Variants in IL31RA observed in about 807,000 individuals in gnomAD.
IL31RA encodes interleukin-31 receptor subunit alpha.
IL31RA carries 66 observed loss-of-function variants against 83.7 expected under a neutral mutation model. The ratio of observed to expected loss-of-function variants is 0.79; its 90% CI spans 0.65 to 0.97. IL31RA has a LOEUF of 0.97. Among genes scored for constraint, IL31RA ranks in the 50% least tolerant of loss-of-function variants. The pLI is 0.00. For missense variants in IL31RA, 798 were observed against 919.4 expected, an observed-to-expected ratio of 0.87 and a Z score of 1.71; for synonymous variants, 325 against 329.0, an observed-to-expected ratio of 0.99 and a Z score of 0.13.
chr5:55,875,381 GGTAA>G (rs1349782691), intron 4 of IL31RA, among the ~76,000 whole-genome samples: 4 of 152,006 alleles, frequency 2.6e-5, no homozygotes, highest in African/African-American at 2.4e-5. Context: ...AGAATGAGCT[GGTAA>G]GTGTTTCCTC....
intron 4 of IL31RA, among the ~76,000 whole-genome samples, chr5:55,872,690 C>T (rs1580678494): frequency 6.6e-6 from 1 of 151,940 alleles, no homozygotes; most frequent in Admixed American, 6.6e-5. Context: ...GAAACAAAAG[C>T]TATTTTGTGG....
Position 55,906,175 on chromosome 5 carries a change from C to G in IL31RA, c.1139C>G (p.Ser380Cys), listed in dbSNP as rs747985586. Residue 380 changes from serine (S) to cysteine (C), a missense_variant, in exon 9 of 15, where the codon TCT becomes TGT. Transcript: ENST00000652347. ...CAGCTAGTGGTGAAGTGGCAAAGCT[C>G]TGCTCTAGACGTGAACACTTGGATG... ...EDQLVVKWQS[S>C]ALDVNTWMIE... The G allele has an allele frequency of 7.4e-6, 12 of 1,613,890 alleles. No individual in the cohort carries two copies. The highest frequency in any genetic ancestry group is 1.6e-4 in the Middle Eastern group (1 of 6,084).
At chr5:55,860,544 G>T (rs1745615187) in intron 2 of IL31RA, among the ~76,000 whole-genome samples, 1 of 152,104 alleles carries the variant, frequency 6.6e-6, no homozygotes, top group African/African-American at 2.4e-5. Context: ...TTTTTGTGTT[G>T]TTGTTATGGC....
Position 55,917,091 on chromosome 5 carries a change from C to T in IL31RA, c.2266C>T (p.Leu756Phe). Reference protein sequence around the residue: ...TAREFLVSEKLPEHTKGEV With the variant: ...TAREFLVSEKFPEHTKGEV Reference sequence around the variant, plus strand: ...CAGGGAATTTCTTGTGTCTGAAAAACTTCCAGAGCACACCAAGGGAGAAGT... The same window carrying T: ...CAGGGAATTTCTTGTGTCTGAAAAATTTCCAGAGCACACCAAGGGAGAAGT... The change falls in exon 15 of 15, where the codon CTT becomes TTT. Residue 756 changes from leucine to phenylalanine, a missense_variant. Transcript: ENST00000652347. 2 of 1,614,182 alleles carry T rather than the reference C, an allele frequency of 1.2e-6. No individual in the cohort carries two copies. Among genetic ancestry groups the T allele is most frequent in the Non-Finnish European group, 1.7e-6 (2 of 1,180,040 alleles).
intron 2 of IL31RA, among the ~76,000 whole-genome samples, chr5:55,864,339 C>CCA (rs1745879421): frequency 4.4e-5 from 3 of 68,420 alleles, no homozygotes; most frequent in East Asian, 4.7e-4. Context: ...ACACACCACA[C>CCA]TACACACACA....
rs779972806 is a variant in IL31RA at position 55,883,146 on chromosome 5, C to G, written c.557C>G (p.Ser186Cys). 1 of 1,614,078 alleles carries G rather than the reference C, an allele frequency of 6.2e-7. No individual in the cohort carries two copies. Among genetic ancestry groups the G allele is most frequent in the South Asian group, 1.1e-5 (1 of 91,082 alleles). ...WIKPELAPVSSDLKYTLRFRT... is the reference protein window; with the variant it reads ...WIKPELAPVSCDLKYTLRFRT... Reference sequence around the variant, plus strand: ...AAGCCTGAGTTGGCGCCTGTTTCATCTGATTTAAAATACACACTTCGATTC... The same window carrying G: ...AAGCCTGAGTTGGCGCCTGTTTCATGTGATTTAAAATACACACTTCGATTC... The change falls in exon 5 of 15, where the codon TCT becomes TGT. Residue 186 changes from serine to cysteine, a missense_variant. Physicochemically the swap from Ser to Cys is moderately radical, Grantham distance 112 (BLOSUM62 -1). Transcript: ENST00000652347.
At chr5:55,851,769 T>A in intron 1 of IL31RA, 136 bp downstream of exon 1, 1 of 1,577,838 alleles carries the variant, frequency 6.3e-7, no homozygotes, top group Non-Finnish European at 8.6e-7. Flanking sequence ...TTCCGTGGCA[T>A]AATTATGTTT....
At chr5:55,915,660 C>T (rs1222134944) in intron 14 of IL31RA, among the ~76,000 whole-genome samples, 1 of 152,158 alleles carries the variant, frequency 6.6e-6, no homozygotes, top group Non-Finnish European at 1.5e-5. Flanking sequence ...TGAGCATGGG[C>T]CTTTTGTTAT....
At chr5:55,888,298 C>T (rs970171144) in intron 5 of IL31RA, among the ~76,000 whole-genome samples, 2 of 152,172 alleles carry the variant, frequency 1.3e-5, no homozygotes, top group Non-Finnish European at 1.5e-5. Context: ...GCCAGAGGCA[C>T]CTTGGCTGGA....
At chr5:55,867,089 G>GTGTGTGTGTGTGTGCGCA (rs1554085182) in intron 2 of IL31RA, among the ~76,000 whole-genome samples, 4 of 84,428 alleles carry the variant, frequency 4.7e-5, no homozygotes, top group African/African-American at 1.1e-4. Context: ...GTGTGTTTGT[G>GTGTGTGTGTGTGTGCGCA]TGTGTGTGTT....
In IL31RA at chr5:55,868,664, C is replaced by T. The variant is rs772692845; in HGVS notation, c.155-127C>T. 9.2e-6 allele frequency: 7 copies of T among 757,678 alleles called. No individual in the cohort carries two copies. In the East Asian group the frequency reaches 9.8e-5, roughly 11 times the overall value. 46.9% of individuals were successfully genotyped at this position (757,678 alleles called of 1,614,324 possible). On this transcript the variant is annotated intron_variant, in intron 2 of 14. Transcript: ENST00000652347. ...ATTGAACCTGATTGCTAGGTTACAC[C>T]TAGCAACTAACCAAAAAAATCTAGC...
At chr5:55,878,906 C>G (rs1747021014) in intron 4 of IL31RA, among the ~76,000 whole-genome samples, 1 of 152,146 alleles carries the variant, frequency 6.6e-6, no homozygotes, top group Admixed American at 6.5e-5. Context: ...CTTGCCTCAG[C>G]CTTTCAAAGT....
upstream of IL31RA, among the ~76,000 whole-genome samples, chr5:55,847,251 A>G (rs1744954717): frequency 1.1e-5 from 1 of 90,224 alleles, no homozygotes; most frequent in African/African-American, 3.3e-5. Flanking sequence ...ATAAAAATAA[A>G]TAAATAAATA....
intron 2 of IL31RA, among the ~76,000 whole-genome samples, chr5:55,860,108 C>A (rs1745584671): frequency 1.3e-5 from 2 of 152,180 alleles, no homozygotes; most frequent in Non-Finnish European, 2.9e-5. Flanking sequence ...GTGGCTCATG[C>A]CTGTAATCCC....
chr5:55,854,296 A>G (rs369528033), intron 1 of IL31RA, among the ~76,000 whole-genome samples: 1 of 152,178 alleles, frequency 6.6e-6, no homozygotes. Context: ...TCGCAATCTC[A>G]TCTTGGGCAA....
chr5:55,867,208 TGCGC>T (rs1561543340), intron 2 of IL31RA, among the ~76,000 whole-genome samples: 1 of 93,908 alleles, frequency 1.1e-5, no homozygotes, highest in African/African-American at 4.1e-5. Flanking sequence ...TTTGTGTGTG[TGCGC>T]ATGTGTGTTT....
Position 55,921,870 on chromosome 5 carries a change from C to T in IL31RA, c.*4750C>T, listed in dbSNP as rs978953942. On this transcript the variant is annotated 3_prime_UTR_variant, in exon 15 of 15. Transcript: ENST00000652347. ...TAAGAGGGACTCAGTAGGCCCTTAGCACAGCGGGTGGACTTTGCCATTTGG... is the reference window on the plus strand; with the variant it reads ...TAAGAGGGACTCAGTAGGCCCTTAGTACAGCGGGTGGACTTTGCCATTTGG... Among the ~76,000 whole-genome samples, 1 of 152,222 alleles carries T rather than the reference C, an allele frequency of 6.6e-6. No homozygotes were observed. Among genetic ancestry groups the T allele is most frequent in the Non-Finnish European group, 1.5e-5 (1 of 68,042 alleles).
chr5:55,853,331 A>G (rs186899257), intron 1 of IL31RA: 20 of 1,277,282 alleles, frequency 1.6e-5, no homozygotes, highest in Non-Finnish European at 2.0e-5. Context: ...GTTAACAATA[A>G]TGCAATCCAT....
chr5:55,869,558 C>T (rs1290997321), intron 3 of IL31RA, among the ~76,000 whole-genome samples: 1 of 152,162 alleles, frequency 6.6e-6, no homozygotes, highest in African/African-American at 2.4e-5. Flanking sequence ...ACTACAACCT[C>T]CATCTCCCAG....
Sources: gnomAD v4.1 joint callset for allele counts (sites outside exome capture counted in the v4.1 genomes callset) on GRCh38, gnomAD v4.1.1 for gene constraint, MANE v1.5 for transcripts, NCBI Gene and HGNC (gene_info 2026-07-23, HGNC 2026-07-21) for gene names.